COL20A1: variants seen among roughly 807,000 people sequenced by gnomAD.
COL20A1 encodes the protein collagen type XX alpha 1 chain.
In COL20A1, 164 loss-of-function variants were observed where a neutral mutation model predicts 152.9. The observed-to-expected ratio is 1.07, with a 90% CI of 0.94 to 1.22. The LOEUF is 1.22. Among genes scored for constraint, COL20A1 ranks in the 50% most tolerant of loss-of-function variants. COL20A1 has a pLI of 0.00. For missense variants in COL20A1, 1,873 were observed against 1,744.8 expected, an observed-to-expected ratio of 1.07 and a Z score of -1.31; for synonymous variants, 864 against 756.0, an observed-to-expected ratio of 1.14 and a Z score of -2.34.
At chr20:63,301,431 T>G (rs1246848978) in intron 3 of COL20A1, among the ~76,000 whole-genome samples, 2 of 152,264 alleles carry the variant, frequency 1.3e-5, no homozygotes, top group Non-Finnish European at 2.9e-5. Context: ...AATGTTCTAA[T>G]TAAGTCATTT....
intron 21 of COL20A1, 78 bp downstream of exon 21, chr20:63,316,769 C>G (rs115605588): frequency 7.4e-4 from 609 of 826,018 alleles, no homozygotes; most frequent in East Asian, 9.7e-4. Flanking sequence ...GGTGGGGGGG[C>G]GGGCATGGGC....
At position 63,334,651 on chromosome 20, in the gene COL20A1, T is replaced by C. The variant is rs1284851063; in HGVS notation, c.*3935T>C. 1 of 152,260 alleles carries C rather than the reference T, an allele frequency of 6.6e-6. No homozygotes were observed. The highest frequency in any genetic ancestry group is 2.4e-5 in the African/African-American group (1 of 41,466). 9.4% of individuals were successfully genotyped at this position (152,260 alleles called of 1,614,324 possible). ...GTTACCCAGGCTGGTCTTGAACTTC[T>C]GAGCTCAAACGATCCACCCTCCTTG... On this transcript the variant is annotated 3_prime_UTR_variant, in exon 36 of 36. Coordinates refer to ENST00000358894, the MANE Select transcript of COL20A1 (RefSeq NM_020882.4).
chr20:63,311,836 C>A lies in COL20A1; in HGVS notation c.1664-80C>A. On this transcript the variant is annotated intron_variant, in intron 13 of 35. Coordinates refer to ENST00000358894, the MANE Select transcript of COL20A1 (RefSeq NM_020882.4). This position sits in a 1 kb window ranked among gnomAD's most constrained non-coding sequence, Gnocchi z 4.4. ...CCATGGCATGGGAGACCTCAGGCCC[C>A]CTCGGTCCCAGCCACTGCCCACCCT... is the stretch of plus-strand genomic sequence containing the variant. 1 of 1,514,534 alleles carries A rather than the reference C, an allele frequency of 6.6e-7. No individual in the cohort carries two copies. Among genetic ancestry groups the A allele is most frequent in the Non-Finnish European group, 8.8e-7 (1 of 1,133,310 alleles). 93.8% of individuals were successfully genotyped at this position (1,514,534 alleles called of 1,614,324 possible).
Position 63,295,151 on chromosome 20 carries a change from T to C in COL20A1, c.44T>C (p.Leu15Pro), listed in dbSNP as rs562736407. 7 of 1,555,282 alleles carry C rather than the reference T, an allele frequency of 4.5e-6. No homozygotes were observed. The highest frequency in any genetic ancestry group is 6.1e-6 in the Non-Finnish European group (7 of 1,149,802). The change falls in exon 2 of 36, where the codon CTG (leucine) becomes CCG (proline). Residue 15 changes from leucine (L) to proline (P), a missense_variant. Leu to Pro is a moderately conservative substitution (Grantham distance 98). Transcript: ENST00000358894. ...DPAHLGLCLW[L>P]WLGATLGREQ... Reference sequence around the variant, plus strand: ...GCACACCTCGGCCTCTGCCTCTGGCTGTGGCTGGGCGCCACCCTGGGAAGA... The same window carrying C: ...GCACACCTCGGCCTCTGCCTCTGGCCGTGGCTGGGCGCCACCCTGGGAAGA...
In COL20A1 at chr20:63,313,578, G is replaced by T. The variant is rs995631219; in HGVS notation, c.2210-165G>T. On this transcript the variant is annotated intron_variant, in intron 17 of 35. Transcript: ENST00000358894. The surrounding 1 kb of genome is among the most constrained non-coding windows in gnomAD (Gnocchi z 5.9). ...CGGTGTGGGCAGTGGCAGGGGTGTG[G>T]TGTGGTTGTGCCAGGGGGGTGATGC... 6.6e-6 allele frequency among the ~76,000 whole-genome samples: 1 copy of T among 152,122 alleles called. No individual in the cohort carries two copies. The highest frequency in any genetic ancestry group is 1.5e-5 in the Non-Finnish European group (1 of 67,998).
intron 25 of COL20A1, 57 bp from the exon 26 acceptor site, chr20:63,320,956 G>A: frequency 7.5e-7 from 1 of 1,337,692 alleles, no homozygotes; most frequent in Non-Finnish European, 1.0e-6. Flanking sequence ...CAGCTCTAGG[G>A]TCAGGCAAGA....
intron 21 of COL20A1, among the ~76,000 whole-genome samples, chr20:63,318,351 G>A (rs6062890): frequency 0.51 from 77,641 of 151,982 alleles, 23,493 homozygotes; most frequent in Non-Finnish European, 0.67. Flanking sequence ...GTGAATGGAA[G>A]ACAGATAGGA....
At position 63,310,530 on chromosome 20, in the gene COL20A1, C is replaced by T. The variant is rs773457312; in HGVS notation, c.1393+20C>T. 49 of 1,566,180 alleles carry T rather than the reference C, an allele frequency of 3.1e-5. No individual in the cohort carries two copies. Among genetic ancestry groups the T allele is most frequent in the East Asian group, 1.2e-4 (5 of 42,570 alleles). The stretch of plus-strand genomic sequence containing the variant: ...CCACAGGTAGGTGGGGCAGAGGCAG[C>T]GGCCAGGTTCTGGGTGGGAGGCCCC... On this transcript the variant is annotated intron_variant, in intron 11 of 35. Transcript: ENST00000358894.
chr20:63,307,093 C>T (rs112747227), intron 5 of COL20A1, among the ~76,000 whole-genome samples: 2,268 of 152,344 alleles, frequency 0.015, 23 homozygotes, highest in African/African-American at 0.033. Context: ...CCCCGGGGAG[C>T]GCCAGACCGG....
In COL20A1 at chr20:63,307,403, G is replaced by A; in HGVS notation, c.497-87G>A. 14 of 1,323,946 alleles carry A rather than the reference G, an allele frequency of 1.1e-5. No individual in the cohort carries two copies. The South Asian group carries it at 1.8e-4, about 17-fold the overall frequency. The allele number at this position is 1,323,946 out of a possible 1,614,324, so 82.0% of individuals were successfully genotyped here. A position where few individuals can be genotyped will look rare whatever the true frequency, so the allele number is the denominator to read the frequency against. On this transcript the variant is annotated intron_variant, in intron 5 of 35. Transcript: ENST00000358894. ...ACCTGGCCCAGCCTGCCTCACTCTTGTGGCTGGAGCCCCGGGGTAGGTGAT... is the reference window on the plus strand; with the variant it reads ...ACCTGGCCCAGCCTGCCTCACTCTTATGGCTGGAGCCCCGGGGTAGGTGAT...
chr20:63,329,599 G>C lies in COL20A1; in HGVS notation c.3796G>C (p.Val1266Leu). Residue 1266 changes from valine (V) to leucine (L), a missense_variant, in exon 35 of 36, where the codon GTT becomes CTT. Coordinates refer to ENST00000358894, the MANE Select transcript of COL20A1 (RefSeq NM_020882.4). ...TTTCCTCGCAGGGGAGCCTGGAGCTGTTGGTCAGATGGGCAGCCCTGGGCA... is the reference window on the plus strand; with the variant it reads ...TTTCCTCGCAGGGGAGCCTGGAGCTCTTGGTCAGATGGGCAGCCCTGGGCA... ...HLEGRGEPGA[V>L]GQMGSPGQQG... 6.2e-7 allele frequency: 1 copy of C among 1,609,552 alleles called. No homozygotes were observed.
At chr20:63,322,995 G>T (rs930267094) in intron 27 of COL20A1, among the ~76,000 whole-genome samples, 3 of 152,250 alleles carry the variant, frequency 2.0e-5, no homozygotes, top group East Asian at 3.8e-4. Flanking sequence ...GTGCTTTGGG[G>T]TGGATGTCCC....
chr20:63,314,891 C>T (rs1228775519), intron 19 of COL20A1, among the ~76,000 whole-genome samples: 2 of 150,916 alleles, frequency 1.3e-5, no homozygotes, highest in Non-Finnish European at 3.0e-5. Flanking sequence ...CCTGCCCGCA[C>T]ACCAGGCATC....
In COL20A1 at chr20:63,311,600, G is replaced by A; in HGVS notation, c.1540-25G>A. 6.2e-7 allele frequency: 1 copy of A among 1,610,536 alleles called. No homozygotes were observed. Among genetic ancestry groups the A allele is most frequent in the Non-Finnish European group, 8.5e-7 (1 of 1,179,596 alleles). On this transcript the variant is annotated intron_variant, in intron 12 of 35. Transcript: ENST00000358894. This position sits in a 1 kb window ranked among gnomAD's most constrained non-coding sequence, Gnocchi z 4.4. ...GAGTGGGGCAGAGCGAGTGGGGGCT[G>A]GCCTGGGACGTCATGTCTCTGCAGG...
intron 1 of COL20A1, among the ~76,000 whole-genome samples, chr20:63,294,594 A>C (rs2067762734): frequency 6.6e-6 from 1 of 151,912 alleles, no homozygotes; most frequent in African/African-American, 2.4e-5. Context: ...CACTCCTACT[A>C]GGCAGCTCTC....
intron 20 of COL20A1, 40 bp from the exon 21 acceptor site, chr20:63,316,513 G>A (rs763016348): frequency 1.3e-6 from 2 of 1,552,822 alleles, no homozygotes; most frequent in Non-Finnish European, 1.7e-6. Flanking sequence ...TGCCATCTCT[G>A]AGGGTCCCTC....
chr20:63,313,479 A>C lies in COL20A1; in HGVS notation c.2209+230A>C, dbSNP rs1434312826. On this transcript the variant is annotated intron_variant, in intron 17 of 35. Transcript: ENST00000358894. This position sits in a 1 kb window ranked among gnomAD's most constrained non-coding sequence, Gnocchi z 5.9. ...CAAACCACCTAGTGTCCCGCAGGGC[A>C]GCCCAGGCAGCAGCCCTGGTTGGGG... Among the ~76,000 whole-genome samples, 1 of 152,124 alleles carries C rather than the reference A, an allele frequency of 6.6e-6. No individual in the cohort carries two copies. Among genetic ancestry groups the C allele is most frequent in the African/African-American group, 2.4e-5 (1 of 41,410 alleles).
chr20:63,309,545 T>C (rs2067976548), intron 9 of COL20A1, 48 bp downstream of exon 9: 1 of 1,440,784 alleles, frequency 6.9e-7, no homozygotes, highest in East Asian at 2.6e-5. Context: ...CCGGCTGCTT[T>C]GGGCAAAGGG....
Position 63,316,699 on chromosome 20 carries a change from G to T in COL20A1, c.2663+8G>T. 1 of 1,540,318 alleles carries T rather than the reference G, an allele frequency of 6.5e-7. No homozygotes were observed. ...GCTGACAAGACGGGTCAGGTGTGAG[G>T]GCAAGGGCTGGGGTGGAGCTGGAAG... On this transcript the variant is annotated splice_region_variant and intron_variant, in intron 21 of 35. Transcript: ENST00000358894.
Sources: gnomAD v4.1 joint callset for allele counts (sites outside exome capture counted in the v4.1 genomes callset) on GRCh38, gnomAD v4.1.1 for gene constraint, Gnocchi (gnomAD v3.1) non-coding constraint, MANE v1.5 for transcripts, NCBI Gene and HGNC (gene_info 2026-07-23, HGNC 2026-07-21) for gene names.